The following PTPRM variants were observed in gnomAD, a reference collection of about 807,000 sequenced individuals.
PTPRM encodes the protein protein tyrosine phosphatase receptor type M, also known as receptor-type tyrosine-protein phosphatase mu.
Under a neutral mutation model 186.7 loss-of-function variants are expected in PTPRM, and 47 were observed. The observed-to-expected ratio is 0.25, with a 90% CI of 0.20 to 0.32. PTPRM has a LOEUF of 0.32. Among genes scored for constraint, PTPRM ranks in the 10% least tolerant of loss-of-function variants. The pLI, the probability that PTPRM is intolerant of heterozygous loss-of-function variation, is 1.00. For missense variants in PTPRM, 1,494 were observed against 1,865.0 expected (o/e 0.80, Z 3.66); for synonymous variants, 668 against 674.9 (o/e 0.99, Z 0.16).
intron 2 of PTPRM, among the ~76,000 whole-genome samples, chr18:7,821,938 C>T (rs2045220163): frequency 6.6e-6 from 1 of 152,142 alleles, no homozygotes; most frequent in Non-Finnish European, 1.5e-5. Flanking sequence ...CTGAAATTTG[C>T]CCCATGATAT....
intron 1 of PTPRM, among the ~76,000 whole-genome samples, chr18:7,694,758 A>G (rs956491560): frequency 1.2e-4 from 18 of 152,308 alleles, no homozygotes; most frequent in African/African-American, 2.4e-4. Context: ...TAAAATATCT[A>G]TAGAAGGACC....
chr18:8,139,296 G>A (rs186523135), intron 13 of PTPRM, among the ~76,000 whole-genome samples: 140 of 152,150 alleles, frequency 9.2e-4, no homozygotes, highest in Non-Finnish European at 1.7e-3. Context: ...CCAGTTCATC[G>A]GCAAAACTGA....
At chr18:8,206,542 C>T (rs935156675) in intron 14 of PTPRM, among the ~76,000 whole-genome samples, 8 of 152,176 alleles carry the variant, frequency 5.3e-5, no homozygotes, top group Admixed American at 2.6e-4. Context: ...ACCACCGCGC[C>T]TGGCCCTGAA....
chr18:7,696,248 A>G (rs1404732776), intron 1 of PTPRM, among the ~76,000 whole-genome samples: 1 of 152,180 alleles, frequency 6.6e-6, no homozygotes, highest in Non-Finnish European at 1.5e-5. Context: ...TTATTTCTTA[A>G]TAAGATCATA....
chr18:8,253,254 C>A lies in PTPRM; in HGVS notation c.2594C>A (p.Thr865Asn). 6.5e-7 allele frequency: 1 copy of A among 1,541,306 alleles called. No homozygotes were observed. The highest frequency in any genetic ancestry group is 8.8e-7 in the Non-Finnish European group (1 of 1,142,308). Residue 865 changes from threonine to asparagine, a missense_variant, in exon 19 of 33, where the codon ACC becomes AAC. Transcript: ENST00000580170. ...GAAACCCACACAATGGCCAGCGATA[C>A]CAGCAGCCTGGTGCAGTCCCATACT... ...NDETHTMASDTSSLVQSHTYK... is the reference protein window; with the variant it reads ...NDETHTMASDNSSLVQSHTYK...
rs551796528 is a variant in PTPRM, at chr18:7,668,070, G to A, written c.73+100179G>A. On this transcript the variant is annotated intron_variant, in intron 1 of 32. Transcript: ENST00000580170. This position sits in a 1 kb window ranked among gnomAD's most constrained non-coding sequence, Gnocchi z 4.7. The stretch of plus-strand genomic sequence containing the variant: ...AGTCCCAGGGTTCATAGTGTCCCCC[G>A]TTTTTTATTTTTATGGTGGTGGTTG... Among the ~76,000 whole-genome samples the A allele has an allele frequency of 3.9e-4, 59 of 152,054 alleles. No individual in the cohort carries two copies. The highest frequency in any genetic ancestry group is 6.2e-4 in the South Asian group (3 of 4,822).
chr18:7,582,046 AAAGT>A (rs2036860500), intron 1 of PTPRM, among the ~76,000 whole-genome samples: 1 of 152,178 alleles, frequency 6.6e-6, no homozygotes, highest in African/African-American at 2.4e-5. Context: ...TTGGTTAAAT[AAAGT>A]TTTATGTGAA....
chr18:7,649,589 A>C (rs746307281), intron 1 of PTPRM, among the ~76,000 whole-genome samples: 41 of 152,120 alleles, frequency 2.7e-4, no homozygotes, highest in Admixed American at 1.3e-3. Flanking sequence ...AACCCTCGTG[A>C]ATGACTTTGA....
chr18:8,348,743 G>A (rs1476564218), intron 23 of PTPRM, among the ~76,000 whole-genome samples: 3 of 152,138 alleles, frequency 2.0e-5, no homozygotes, highest in African/African-American at 7.2e-5. Context: ...TTTTACACCG[G>A]TAATTTAAGC....
chr18:8,212,868 C>T (rs2094026310), intron 14 of PTPRM, among the ~76,000 whole-genome samples: 2 of 152,120 alleles, frequency 1.3e-5, no homozygotes, highest in Admixed American at 6.5e-5. Context: ...TCTGTCTCCT[C>T]CCCCTACCCA....
chr18:7,757,184 AGGCC>A (rs2041539654), intron 1 of PTPRM, among the ~76,000 whole-genome samples: 6 of 152,182 alleles, frequency 3.9e-5, no homozygotes, highest in African/African-American at 1.4e-4. Context: ...AATCTGAAGT[AGGCC>A]TTTTAGTAAT....
At chr18:8,375,161 A>G (rs1411693081) in intron 24 of PTPRM, among the ~76,000 whole-genome samples, 1 of 152,246 alleles carries the variant, frequency 6.6e-6, no homozygotes, top group Non-Finnish European at 1.5e-5. Context: ...AAAGTAAATT[A>G]AAACCAAGAG....
chr18:8,079,676 T>C (rs1270001921), intron 9 of PTPRM, among the ~76,000 whole-genome samples: 2 of 152,132 alleles, frequency 1.3e-5, no homozygotes, highest in African/African-American at 4.8e-5. Context: ...AACACAAAAG[T>C]TTAGAAGAAC....
intron 7 of PTPRM, among the ~76,000 whole-genome samples, chr18:8,006,664 T>C (rs900811998): frequency 6.6e-6 from 1 of 152,148 alleles, no homozygotes; most frequent in African/African-American, 2.4e-5. Context: ...CCCAGACAGA[T>C]TCAGGATTTT....
At chr18:7,827,986 G>A (rs2045572859) in intron 2 of PTPRM, among the ~76,000 whole-genome samples, 1 of 152,250 alleles carries the variant, frequency 6.6e-6, no homozygotes, top group African/African-American at 2.4e-5. Context: ...ATCTGGAGCA[G>A]TGTGAGAGTG....
chr18:8,248,623 G>A (rs563596071), intron 17 of PTPRM, among the ~76,000 whole-genome samples: 12 of 152,098 alleles, frequency 7.9e-5, no homozygotes, highest in South Asian at 2.1e-4. Context: ...TAAAAGTAGC[G>A]TTTTTCTAAT....
At chr18:8,133,872 G>A (rs558569034) in intron 13 of PTPRM, among the ~76,000 whole-genome samples, 2 of 152,256 alleles carry the variant, frequency 1.3e-5, no homozygotes, top group South Asian at 2.1e-4. Flanking sequence ...CCATACGGCT[G>A]CACTATGTCA....
At chr18:8,314,049 C>T (rs1414892356) in intron 20 of PTPRM, among the ~76,000 whole-genome samples, 1 of 152,094 alleles carries the variant, frequency 6.6e-6, no homozygotes, top group Non-Finnish European at 1.5e-5. Flanking sequence ...TGAGATACAT[C>T]AATAGTATTT....
intron 1 of PTPRM, among the ~76,000 whole-genome samples, chr18:7,650,111 C>T (rs1455085688): frequency 6.6e-6 from 1 of 152,038 alleles, no homozygotes; most frequent in Non-Finnish European, 1.5e-5. Context: ...GTACAGTATT[C>T]AGGGGATGCA....
Sources: gnomAD v4.1 joint callset for allele counts (sites outside exome capture counted in the v4.1 genomes callset) on GRCh38, gnomAD v4.1.1 for gene constraint, Gnocchi (gnomAD v3.1) non-coding constraint, MANE v1.5 for transcripts, NCBI Gene and HGNC (gene_info 2026-07-23, HGNC 2026-07-21) for gene names.